IMMP2L: variants seen among roughly 807,000 people sequenced by gnomAD.
IMMP2L encodes mitochondrial inner membrane protease subunit 2.
IMMP2L carries 18 observed loss-of-function variants against 19.3 expected under a neutral mutation model. That is an observed-to-expected ratio of 0.93 (90% CI 0.64 to 1.38). The LOEUF is 1.38. Among genes scored for constraint, IMMP2L ranks in the 40% most tolerant of loss-of-function variants. The probability of loss-of-function intolerance (pLI) is 0.00; values close to 1 mark genes in which losing one functional copy is unlikely to be tolerated. For synonymous variants in IMMP2L, 76 were observed against 73.0 expected, an observed-to-expected ratio of 1.04 and a Z score of -0.21; for missense variants, 233 against 218.2, an observed-to-expected ratio of 1.07 and a Z score of -0.43.
chr7:111,550,281 G>C (rs1199387850), intron 1 of IMMP2L, among the ~76,000 whole-genome samples: 1 of 152,104 alleles, frequency 6.6e-6, no homozygotes, highest in Non-Finnish European at 1.5e-5. Flanking sequence ...GAAAAGATCA[G>C]AAGTTACCAG....
chr7:110,914,694 T>TTTCAAAGTGAGGC (rs1328899200), intron 4 of IMMP2L, among the ~76,000 whole-genome samples: 7 of 152,206 alleles, frequency 4.6e-5, no homozygotes, highest in African/African-American at 1.2e-4. Context: ...AGTGATGTCT[T>TTTCAAAGTGAGGC]ATTCTTCTCA....
intron 3 of IMMP2L, among the ~76,000 whole-genome samples, chr7:111,323,768 A>T (rs781000265): frequency 6.6e-6 from 1 of 152,056 alleles, no homozygotes; most frequent in Non-Finnish European, 1.5e-5. Flanking sequence ...TAGACTGGAT[A>T]AAGAAAATGT....
At chr7:111,558,362 AAGGGATAG>A (rs1021332317) in intron 1 of IMMP2L, among the ~76,000 whole-genome samples, 2 of 152,202 alleles carry the variant, frequency 1.3e-5, no homozygotes, top group African/African-American at 4.8e-5. Flanking sequence ...ATGCAAGGGC[AAGGGATAG>A]AAGGGTATCT....
At chr7:110,905,180 GT>G (rs778813832) in intron 4 of IMMP2L, among the ~76,000 whole-genome samples, 17 of 152,154 alleles carry the variant, frequency 1.1e-4, no homozygotes, top group Middle Eastern at 3.4e-3. Context: ...AAAATAACAA[GT>G]TTTTGGGTCA....
Position 110,949,784 on chromosome 7 carries a change from G to A in IMMP2L, c.305+13716C>T, listed in dbSNP as rs114890687. On this transcript the variant is annotated intron_variant, in intron 4 of 5. Coordinates refer to ENST00000405709, the MANE Select transcript of IMMP2L (RefSeq NM_032549.4). ...AGTAAGTGCAATTTCTTGCCAACAC[G>A]TCGCAATATGCAGGAAGAAGCAGGT... Among the ~76,000 whole-genome samples, 634 of 152,148 alleles carry A rather than the reference G, an allele frequency of 4.2e-3. 2 individuals are homozygous for A. Among genetic ancestry groups the A allele is most frequent in the African/African-American group, 0.015 (614 of 41,516 alleles).
rs2129574163 is a variant in IMMP2L at position 111,057,948 on chromosome 7, A to G, written c.240-94383T>C. On this transcript the variant is annotated intron_variant, in intron 3 of 5. Transcript: ENST00000405709. ...ACCTGCACATATATACAGCATATGT[A>G]TATGTGTCTGTATTATATGTATTAA... Among the ~76,000 whole-genome samples, 3 of 152,312 alleles carry G rather than the reference A, an allele frequency of 2.0e-5. No homozygotes were observed. In the South Asian group the frequency reaches 6.2e-4, roughly 32 times the overall value.
intron 3 of IMMP2L, among the ~76,000 whole-genome samples, chr7:111,075,788 C>T (rs1795353318): frequency 6.6e-6 from 1 of 152,132 alleles, no homozygotes; most frequent in Admixed American, 6.5e-5. Flanking sequence ...AAATTTACAC[C>T]TTAAACTCCG....
intron 3 of IMMP2L, among the ~76,000 whole-genome samples, chr7:111,446,163 T>C (rs933429050): frequency 2.6e-5 from 4 of 151,980 alleles, no homozygotes; most frequent in Admixed American, 6.6e-5. Flanking sequence ...CTTGCTTAGG[T>C]AAACAAAGCA....
At chr7:111,121,482 A>C (rs975881295) in intron 3 of IMMP2L, among the ~76,000 whole-genome samples, 1 of 152,172 alleles carries the variant, frequency 6.6e-6, no homozygotes, top group East Asian at 1.9e-4. Context: ...TGAAAAAATG[A>C]TCATCATCAC....
intron 3 of IMMP2L, among the ~76,000 whole-genome samples, chr7:111,333,497 T>TC (rs1195480192): frequency 1.4e-4 from 21 of 152,174 alleles, no homozygotes; most frequent in African/African-American, 4.8e-4. Flanking sequence ...GTATATGGGT[T>TC]CAAGTTGACA....
At chr7:111,139,145 T>C (rs1321633689) in intron 3 of IMMP2L, among the ~76,000 whole-genome samples, 1 of 152,158 alleles carries the variant, frequency 6.6e-6, no homozygotes, top group Admixed American at 6.5e-5. Context: ...CTGGATTTTT[T>C]TATCTTTGCC....
intron 3 of IMMP2L, among the ~76,000 whole-genome samples, chr7:111,351,986 G>T (rs1828207245): frequency 6.6e-6 from 1 of 152,146 alleles, no homozygotes; most frequent in South Asian, 2.1e-4. Flanking sequence ...AGTTTCAACA[G>T]AATGGCACTT....
Position 111,213,468 on chromosome 7 carries a change from C to T in IMMP2L, c.240-249903G>A, listed in dbSNP as rs1332816120. On this transcript the variant is annotated intron_variant, in intron 3 of 5. Coordinates refer to ENST00000405709, the MANE Select transcript of IMMP2L (RefSeq NM_032549.4). This position sits in a 1 kb window ranked among gnomAD's most constrained non-coding sequence, Gnocchi z 4.8. ...GAAGGGGGTGGGTCCCTAGCAAGGC[C>T]CCACCTTCAAGCTGGGGAGGGCCTG... Among the ~76,000 whole-genome samples the T allele has an allele frequency of 6.6e-6, 1 of 152,100 alleles. No homozygotes were observed. The highest frequency in any genetic ancestry group is 2.4e-5 in the African/African-American group (1 of 41,422).
intron 3 of IMMP2L, among the ~76,000 whole-genome samples, chr7:111,319,245 T>A (rs1824424326): frequency 6.6e-6 from 1 of 152,112 alleles, no homozygotes; most frequent in Non-Finnish European, 1.5e-5. Context: ...TTCAGCAATA[T>A]AAAGCTGTGA....
intron 5 of IMMP2L, among the ~76,000 whole-genome samples, chr7:110,883,162 AACTTT>A (rs1361303098): frequency 1.3e-5 from 2 of 152,190 alleles, no homozygotes; most frequent in Non-Finnish European, 2.9e-5. Context: ...TAAAGACATA[AACTTT>A]ACTTTTCTAC....
At chr7:110,893,769 T>A (rs1811053898) in intron 4 of IMMP2L, among the ~76,000 whole-genome samples, 2 of 152,160 alleles carry the variant, frequency 1.3e-5, no homozygotes, top group Non-Finnish European at 2.9e-5. Context: ...TTCATTTCTC[T>A]TCTATAAATG....
chr7:110,963,903 C>A (rs1162618460), intron 3 of IMMP2L, among the ~76,000 whole-genome samples: 1 of 151,676 alleles, frequency 6.6e-6, no homozygotes, highest in Non-Finnish European at 1.5e-5. Flanking sequence ...GGCTCTGTGT[C>A]CCCACCCAAG....
chr7:110,884,702 A>G (rs946234255), intron 5 of IMMP2L, among the ~76,000 whole-genome samples: 1 of 152,100 alleles, frequency 6.6e-6, no homozygotes, highest in African/African-American at 2.4e-5. Context: ...AAACTTTGTC[A>G]CAAGAGACAC....
At chr7:111,360,590 G>A (rs1042786296) in intron 3 of IMMP2L, among the ~76,000 whole-genome samples, 2 of 152,136 alleles carry the variant, frequency 1.3e-5, no homozygotes, top group African/African-American at 4.8e-5. Context: ...AGCTGAGGTA[G>A]AAGGATTGCT....
Sources: gnomAD v4.1 joint callset for allele counts (sites outside exome capture counted in the v4.1 genomes callset) on GRCh38, gnomAD v4.1.1 for gene constraint, Gnocchi (gnomAD v3.1) non-coding constraint, MANE v1.5 for transcripts, NCBI Gene and HGNC (gene_info 2026-07-23, HGNC 2026-07-21) for gene names.